Variants in CCDC81 observed in about 807,000 individuals in gnomAD.
CCDC81 encodes the protein coiled-coil domain-containing protein 81.
In CCDC81, 79 loss-of-function variants were observed where a neutral mutation model predicts 83.7. The ratio of observed to expected loss-of-function variants is 0.94; its 90% confidence interval spans 0.79 to 1.14. The LOEUF (loss-of-function observed/expected upper bound fraction) is 1.14. Ranked by LOEUF, CCDC81 falls within the 50% of genes most tolerant of loss-of-function variation. The pLI, the probability that CCDC81 is intolerant of heterozygous loss-of-function variation, is 0.00. For missense variants in CCDC81, 791 were observed against 778.1 expected (o/e 1.02, Z -0.20); for synonymous variants, 252 against 278.1 (o/e 0.91, Z 0.93).
chr11:86,388,509 C>T (rs1948279851), intron 3 of CCDC81, among the ~76,000 whole-genome samples: 1 of 152,122 alleles, frequency 6.6e-6, no homozygotes, highest in Non-Finnish European at 1.5e-5. Flanking sequence ...CCGATGGCAA[C>T]AGGTGAAAAG....
intron 1 of CCDC81, among the ~76,000 whole-genome samples, 200 bp downstream of exon 1, chr11:86,375,442 G>A (rs886476960): frequency 6.6e-6 from 1 of 152,112 alleles, no homozygotes; most frequent in African/African-American, 2.4e-5. Flanking sequence ...TTAAACCAGG[G>A]GATGCGTAGA....
chr11:86,406,398 CTGT>C (rs1372870829), intron 7 of CCDC81, among the ~76,000 whole-genome samples: 2 of 152,198 alleles, frequency 1.3e-5, no homozygotes, highest in African/African-American at 2.4e-5. Flanking sequence ...AAATTCTTAT[CTGT>C]TATTTTCTAG....
chr11:86,386,438 T>A (rs1219293923), intron 2 of CCDC81, among the ~76,000 whole-genome samples: 3 of 152,220 alleles, frequency 2.0e-5, no homozygotes, highest in Non-Finnish European at 4.4e-5. Flanking sequence ...ATCTGATAGT[T>A]CCTGGCATAG....
At chr11:86,398,691 T>C (rs1948441923) in intron 6 of CCDC81, among the ~76,000 whole-genome samples, 1 of 152,126 alleles carries the variant, frequency 6.6e-6, no homozygotes, top group Non-Finnish European at 1.5e-5. Flanking sequence ...TGCATCAGCC[T>C]CCCTGGAAGT....
At chr11:86,419,246 C>T (rs1489917801) in intron 13 of CCDC81, 1 of 152,208 alleles carries the variant, frequency 6.6e-6, no homozygotes, top group African/African-American at 2.4e-5. Flanking sequence ...GAAATAGACA[C>T]ATAATCAGAA....
At chr11:86,403,209 G>A (rs750295012) in intron 7 of CCDC81, among the ~76,000 whole-genome samples, 4 of 151,514 alleles carry the variant, frequency 2.6e-5, no homozygotes, top group Non-Finnish European at 5.9e-5. Context: ...CAGTTTTCCT[G>A]CTTGAATCCT....
chr11:86,382,655 G>A (rs1479570753), intron 1 of CCDC81, among the ~76,000 whole-genome samples: 1 of 152,172 alleles, frequency 6.6e-6, no homozygotes, highest in East Asian at 1.9e-4. Context: ...ATCATCCTGA[G>A]TGTGGGTGTG....
intron 3 of CCDC81, among the ~76,000 whole-genome samples, chr11:86,389,841 C>T (rs904993727): frequency 1.3e-5 from 2 of 152,212 alleles, no homozygotes; most frequent in African/African-American, 4.8e-5. Flanking sequence ...TACGATGGCT[C>T]ATGCCTGTAA....
chr11:86,402,317 A>G (rs1193574100), intron 7 of CCDC81, among the ~76,000 whole-genome samples: 1 of 152,120 alleles, frequency 6.6e-6, no homozygotes, highest in African/African-American at 2.4e-5. Context: ...GTTTATTTCA[A>G]TGCATATACA....
At chr11:86,408,726 G>A (rs986859617) in intron 9 of CCDC81, among the ~76,000 whole-genome samples, 5 of 152,154 alleles carry the variant, frequency 3.3e-5, no homozygotes, top group Admixed American at 3.3e-4. Flanking sequence ...ACTAAAACTT[G>A]CGTTGAAGTT....
intron 1 of CCDC81, among the ~76,000 whole-genome samples, chr11:86,383,940 G>C (rs142532907): frequency 6.6e-6 from 1 of 152,300 alleles, no homozygotes; most frequent in South Asian, 2.1e-4. Flanking sequence ...GAATAAAACA[G>C]TACAGTGGGC....
chr11:86,390,378 G>T (rs377190821), intron 3 of CCDC81, among the ~76,000 whole-genome samples: 16 of 152,292 alleles, frequency 1.1e-4, no homozygotes, highest in Admixed American at 4.6e-4. Context: ...GCATATGATT[G>T]TGGAGGCAGG....
chr11:86,400,531 AT>A lies in CCDC81; in HGVS notation c.758-140del, dbSNP rs1376558288. On this transcript the variant is annotated intron_variant, in intron 6 of 14. Transcript: ENST00000445632. ...TTCTTTGCGAATATACAGCAAAAAC[AT>A]TTTTTTATACCACAATAGAACAAGG... 2.9e-5 allele frequency: 23 copies of A among 805,050 alleles called. No homozygotes were observed. In the East Asian group the frequency reaches 3.0e-4, roughly 11 times the overall value. The allele number at this position is 805,050 out of a possible 1,614,324, so 49.9% of individuals were successfully genotyped here. A position where few individuals can be genotyped will look rare whatever the true frequency, so the allele number is the denominator to read the frequency against.
intron 7 of CCDC81, among the ~76,000 whole-genome samples, chr11:86,402,509 T>A (rs1026817884): frequency 6.6e-6 from 1 of 152,106 alleles, no homozygotes; most frequent in African/African-American, 2.4e-5. Flanking sequence ...ACCAATCTCC[T>A]ATTGGATATT....
chr11:86,404,455 A>C lies in CCDC81; in HGVS notation c.882-3159A>C, dbSNP rs550587531. Among the ~76,000 whole-genome samples, 44 of 152,336 alleles carry C rather than the reference A, an allele frequency of 2.9e-4. 1 individual carries two copies. The South Asian group carries it at 9.1e-3, about 32-fold the overall frequency. ...TCACTCTCTGGCTGTTTTCATAAAA[A>C]GTTTTGCAACCCCTGCTCTAAAGGA... On this transcript the variant is annotated intron_variant, in intron 7 of 14. Transcript: ENST00000445632.
chr11:86,379,750 G>T (rs1222807525), intron 1 of CCDC81, among the ~76,000 whole-genome samples: 1 of 152,172 alleles, frequency 6.6e-6, no homozygotes, highest in Non-Finnish European at 1.5e-5. Flanking sequence ...GCCAAGGTGG[G>T]AGAATCGCTG....
intron 7 of CCDC81, among the ~76,000 whole-genome samples, chr11:86,403,629 C>T (rs1372623995): frequency 6.6e-6 from 1 of 152,172 alleles, no homozygotes; most frequent in African/African-American, 2.4e-5. Flanking sequence ...ACAAATGACC[C>T]TAAGGCCTCA....
At position 86,392,589 on chromosome 11, in the gene CCDC81, G is replaced by T; in HGVS notation, c.347G>T (p.Gly116Val). ...PLNFVMISLE[G>V]PFNRDVVEGC... is the part of the protein sequence containing the mutation. ...AATTTTGTCATGATATCCCTGGAGGGTCCATTTAACAGAGATGTAGTGGAA... is the reference window on the plus strand; with the variant it reads ...AATTTTGTCATGATATCCCTGGAGGTTCCATTTAACAGAGATGTAGTGGAA... The change falls in exon 4 of 15, where the codon GGT becomes GTT. Residue 116 changes from glycine (G) to valine (V), a missense_variant. By Grantham distance (109) the Gly-to-Val change is moderately radical. Transcript: ENST00000445632. 1 of 1,551,632 alleles carries T rather than the reference G, an allele frequency of 6.4e-7. No individual in the cohort carries two copies. Among genetic ancestry groups the T allele is most frequent in the African/African-American group, 1.4e-5 (1 of 73,154 alleles).
At chr11:86,418,057 A>G (rs935797084) in intron 13 of CCDC81, among the ~76,000 whole-genome samples, 1 of 152,248 alleles carries the variant, frequency 6.6e-6, no homozygotes, top group African/African-American at 2.4e-5. Flanking sequence ...CTGGGCATTT[A>G]AAATTATTTT....
Sources: gnomAD v4.1 joint callset for allele counts (sites outside exome capture counted in the v4.1 genomes callset) on GRCh38, gnomAD v4.1.1 for gene constraint, MANE v1.5 for transcripts, NCBI Gene and HGNC (gene_info 2026-07-23, HGNC 2026-07-21) for gene names.